FBN1: variants seen among roughly 807,000 people sequenced by gnomAD.
The protein encoded by FBN1 is fibrillin-1.
FBN1 carries 29 observed loss-of-function variants against 365.1 expected under a neutral mutation model. The ratio of observed to expected loss-of-function variants is 0.08; its 90% CI spans 0.06 to 0.11. FBN1 has a LOEUF of 0.11. Ranked by LOEUF, FBN1 falls within the 10% of genes least tolerant of loss-of-function variation. FBN1 has a pLI of 1.00. For missense variants in FBN1, 2,476 were observed against 3,703.2 expected (o/e 0.67, Z 8.60); for synonymous variants, 1,210 against 1,270.5 (o/e 0.95, Z 1.01).
intron 6 of FBN1, among the ~76,000 whole-genome samples, chr15:48,572,482 A>G (rs1317278537): frequency 6.6e-6 from 1 of 152,042 alleles, no homozygotes; most frequent in African/African-American, 2.4e-5. Context: ...AGAAACAGTA[A>G]AAAAATTTTT....
At chr15:48,447,715 G>A (rs1269618345) in intron 46 of FBN1, among the ~76,000 whole-genome samples, 1 of 152,118 alleles carries the variant, frequency 6.6e-6, no homozygotes, top group Non-Finnish European at 1.5e-5. Context: ...AAAATGTAAT[G>A]ATTAGAGCTA....
At chr15:48,479,404 T>G (rs2043450051) in intron 32 of FBN1, among the ~76,000 whole-genome samples, 1 of 152,180 alleles carries the variant, frequency 6.6e-6, no homozygotes, top group African/African-American at 2.4e-5. Flanking sequence ...AGATCATGAA[T>G]GAGTGGATTT....
chr15:48,555,644 G>C (rs1208947888), intron 6 of FBN1, among the ~76,000 whole-genome samples: 1 of 152,146 alleles, frequency 6.6e-6, no homozygotes, highest in Non-Finnish European at 1.5e-5. Context: ...CTTAGGAGGA[G>C]AGAGTCTTGT....
At chr15:48,528,894 C>G (rs2043941618) in intron 8 of FBN1, 1 of 152,124 alleles carries the variant, frequency 6.6e-6, no homozygotes, top group South Asian at 2.1e-4. Context: ...AGCAAGAGTT[C>G]TATCTATTAC....
At chr15:48,544,178 C>T (rs2044078726) in intron 6 of FBN1, among the ~76,000 whole-genome samples, 1 of 151,970 alleles carries the variant, frequency 6.6e-6, no homozygotes, top group African/African-American at 2.4e-5. Context: ...GTTGCTTCTC[C>T]CATCTTATTT....
chr15:48,524,120 C>T (rs937551087), intron 9 of FBN1, among the ~76,000 whole-genome samples: 4 of 151,880 alleles, frequency 2.6e-5, no homozygotes, highest in African/African-American at 9.7e-5. Context: ...TCCTAGGAGT[C>T]GAAGAGAGAG....
intron 57 of FBN1, 185 bp downstream of exon 57, chr15:48,428,161 T>TTTAGCTGCAGGG (rs934543018): frequency 1.3e-6 from 1 of 751,394 alleles, no homozygotes; most frequent in African/African-American, 1.7e-5. Context: ...AAAGGAAGAA[T>TTTAGCTGCAGGG]TTAGCTGCAG....
Position 48,541,108 on chromosome 15 carries a change from TA to T in FBN1, c.539-3301del, listed in dbSNP as rs913110819. On this transcript the variant is annotated intron_variant, in intron 6 of 65. Transcript: ENST00000316623. ...GAATTTCTCATTGGAAGATCTTCAT[TA>T]AAAAAAAAAACCCCTTAAGACTTTT... is the stretch of plus-strand genomic sequence containing the variant. Among the ~76,000 whole-genome samples, 153 of 144,330 alleles carry T rather than the reference TA, an allele frequency of 1.1e-3. 3 individuals are homozygous for T. The highest frequency in any genetic ancestry group is 4.4e-3 in the East Asian group (22 of 5,018). 94.7% of individuals were successfully genotyped at this position (144,330 alleles called of 152,430 possible). A position where few individuals can be genotyped will look rare whatever the true frequency, so the allele number is the denominator to read the frequency against.
intron 17 of FBN1, 69 bp from the exon 18 acceptor site, chr15:48,499,107 T>A (rs904178272): frequency 6.8e-7 from 1 of 1,480,134 alleles, no homozygotes; most frequent in Admixed American, 1.7e-5. Context: ...CCCTTGGTTT[T>A]GCACACATCA....
intron 54 of FBN1, among the ~76,000 whole-genome samples, chr15:48,434,101 G>C (rs1224036291): frequency 6.6e-6 from 1 of 152,124 alleles, no homozygotes; most frequent in Non-Finnish European, 1.5e-5. Context: ...CATTCCACCA[G>C]GCTTACGGAT....
chr15:48,608,127 C>T (rs996590431), intron 4 of FBN1, among the ~76,000 whole-genome samples: 1 of 152,166 alleles, frequency 6.6e-6, no homozygotes. Flanking sequence ...TCATTCAGGT[C>T]ACTAAGAGAT....
intron 56 of FBN1, 101 bp from the exon 57 acceptor site, chr15:48,428,572 TTCCC>T: frequency 7.7e-7 from 1 of 1,295,686 alleles, no homozygotes; most frequent in Non-Finnish European, 1.1e-6. Context: ...CCCTCCCTCC[TTCCC>T]TCCCTTTGTT....
chr15:48,542,819 GTGTGTGTGTGTAT>G (rs1239539505), intron 6 of FBN1, among the ~76,000 whole-genome samples: 1 of 139,514 alleles, frequency 7.2e-6, no homozygotes, highest in Non-Finnish European at 1.6e-5. Flanking sequence ...GTGTGTGTGT[GTGTGTGTGTGTAT>G]TTTTTTTCCT....
intron 6 of FBN1, among the ~76,000 whole-genome samples, chr15:48,563,172 C>T (rs2044236830): frequency 1.3e-5 from 2 of 152,122 alleles, no homozygotes; most frequent in African/African-American, 4.8e-5. Flanking sequence ...CTACTGTCTG[C>T]CAGACACTAT....
intron 2 of FBN1, among the ~76,000 whole-genome samples, chr15:48,632,669 G>T (rs1890009371): frequency 6.6e-6 from 1 of 152,082 alleles, no homozygotes; most frequent in African/African-American, 2.4e-5. Context: ...TTAAAATATG[G>T]TCCCACAATC....
chr15:48,422,443 C>G (rs1339355810), intron 60 of FBN1, among the ~76,000 whole-genome samples: 2 of 152,276 alleles, frequency 1.3e-5, no homozygotes, highest in Non-Finnish European at 1.5e-5. Flanking sequence ...TTGAAAAGAT[C>G]TATTTAAGTT....
chr15:48,584,150 G>A (rs913861431), intron 6 of FBN1, among the ~76,000 whole-genome samples: 1 of 152,070 alleles, frequency 6.6e-6, no homozygotes, highest in Non-Finnish European at 1.5e-5. Context: ...CATGTATTAT[G>A]TGCCAGATCC....
At chr15:48,611,417 T>C (rs771410314) in intron 3 of FBN1, among the ~76,000 whole-genome samples, 7 of 152,066 alleles carry the variant, frequency 4.6e-5, no homozygotes, top group Non-Finnish European at 1.0e-4. Flanking sequence ...TGTGCCACCA[T>C]GCCCAGCTAA....
intron 13 of FBN1, among the ~76,000 whole-genome samples, chr15:48,512,523 A>G (rs2043768958): frequency 6.6e-6 from 1 of 151,942 alleles, no homozygotes; most frequent in South Asian, 2.1e-4. Flanking sequence ...GGTCCCTTCT[A>G]TGTGTCCATG....
Sources: allele counts gnomAD v4.1 joint callset (sites outside exome capture counted in the v4.1 genomes callset), GRCh38; gene constraint gnomAD v4.1.1; transcripts MANE v1.5; gene names NCBI Gene and HGNC (gene_info 2026-07-23, HGNC 2026-07-21).